Variants in SCAMP2 observed in about 807,000 individuals in gnomAD.
SCAMP2 encodes the protein secretory carrier-associated membrane protein 2.
Under a neutral mutation model 44.1 loss-of-function variants are expected in SCAMP2, and 25 were observed. That is an observed-to-expected ratio of 0.57 (90% CI 0.41 to 0.79). The LOEUF (loss-of-function observed/expected upper bound fraction) is 0.79, where lower values mean the gene tolerates loss of function less well. Among genes scored for constraint, SCAMP2 ranks in the 30% least tolerant of loss-of-function variants. The pLI, the probability that SCAMP2 is intolerant of heterozygous loss-of-function variation, is 0.00. For synonymous variants in SCAMP2, 156 were observed against 166.0 expected, an observed-to-expected ratio of 0.94 and a Z score of 0.46; for missense variants, 355 against 411.0, an observed-to-expected ratio of 0.86 and a Z score of 1.18.
At chr15:74,858,864 G>T (rs1201990641) in intron 1 of SCAMP2, among the ~76,000 whole-genome samples, 1 of 143,960 alleles carries the variant, frequency 6.9e-6, no homozygotes, top group African/African-American at 2.6e-5. Flanking sequence ...CCAGGCTGGA[G>T]TGCAGTGGCG....
intron 1 of SCAMP2, among the ~76,000 whole-genome samples, chr15:74,867,881 C>T (rs1567256048): frequency 6.6e-6 from 1 of 152,236 alleles, no homozygotes; most frequent in Non-Finnish European, 1.5e-5. Flanking sequence ...GAGATCAATG[C>T]TGTCTGCCTG....
rs187010506 is a variant in SCAMP2, at chr15:74,854,144, G to A, written c.127-25C>T. 2.6e-4 allele frequency: 412 copies of A among 1,594,932 alleles called. 2 individuals carry two copies. Among genetic ancestry groups the A allele is most frequent in the Admixed American group, 8.3e-5 (5 of 59,980 alleles). ...TCTACATGGAACAAATCAAAAGACAGAATTGAGTGGGACTCCATTAGCTGG... is the reference window on the plus strand; with the variant it reads ...TCTACATGGAACAAATCAAAAGACAAAATTGAGTGGGACTCCATTAGCTGG... On this transcript the variant is annotated intron_variant, in intron 2 of 8. Transcript: ENST00000268099.
In SCAMP2 at chr15:74,873,223, G is replaced by T; in HGVS notation, c.33C>A (p.Asp11Glu). The change falls in exon 1 of 9, where the codon GAC becomes GAA. Residue 11 changes from aspartate to glutamate, a missense_variant. Physicochemically the swap from Asp to Glu is conservative, Grantham distance 45. Coordinates refer to ENST00000268099, the MANE Select transcript of SCAMP2 (RefSeq NM_005697.5). ...CCTGGAAGGGGTTTACATCCACTGG[G>T]TCCGCGAAGGGGTTGGTGTCGAAAG... MSAFDTNPFA[D>E]PVDVNPFQDP... 1 of 1,459,764 alleles carries T rather than the reference G, an allele frequency of 6.9e-7. No homozygotes were observed. The highest frequency in any genetic ancestry group is 1.5e-5 in the African/African-American group (1 of 66,640). The allele number at this position is 1,459,764 out of a possible 1,614,324, so 90.4% of individuals were successfully genotyped here.
intron 1 of SCAMP2, among the ~76,000 whole-genome samples, chr15:74,870,033 C>T (rs1376243830): frequency 6.6e-6 from 1 of 152,182 alleles, no homozygotes; most frequent in African/African-American, 2.4e-5. Context: ...AGCTGTTTCT[C>T]CCCACACCAC....
intron 1 of SCAMP2, among the ~76,000 whole-genome samples, chr15:74,865,391 AAAAG>A (rs1402262372): frequency 1.1e-4 from 17 of 151,290 alleles, no homozygotes; most frequent in Non-Finnish European, 1.8e-4. Flanking sequence ...AAAAAAAAAA[AAAAG>A]AAAAGAAAAG....
At chr15:74,848,018 C>G (rs181893869) in intron 7 of SCAMP2, among the ~76,000 whole-genome samples, 111 of 151,878 alleles carry the variant, frequency 7.3e-4, no homozygotes, top group Non-Finnish European at 1.3e-3. Flanking sequence ...AAGAGTCAAG[C>G]CAAGTTCACC....
chr15:74,856,350 CT>C (rs2064469133), intron 1 of SCAMP2, among the ~76,000 whole-genome samples: 1 of 143,656 alleles, frequency 7.0e-6, no homozygotes. Flanking sequence ...TCTCCACTCA[CT>C]GCAGCCTCCG....
intron 1 of SCAMP2, among the ~76,000 whole-genome samples, chr15:74,867,865 C>A (rs2064553274): frequency 1.3e-5 from 2 of 152,248 alleles, no homozygotes; most frequent in South Asian, 2.1e-4. Flanking sequence ...TCCACTTCCT[C>A]TCCTTGAGAT....
Position 74,869,337 on chromosome 15 carries a change from A to G in SCAMP2, c.57+3862T>C, listed in dbSNP as rs577919720. Among the ~76,000 whole-genome samples, 161 of 152,282 alleles carry G rather than the reference A, an allele frequency of 1.1e-3. 1 individual carries two copies. The highest frequency in any genetic ancestry group is 3.6e-3 in the African/African-American group (151 of 41,550). The stretch of plus-strand genomic sequence containing the variant: ...AAAAAAACCAATAATAAAAAATAAA[A>G]AAATTAAAGAACAAAAGCACAAGAT... On this transcript the variant is annotated intron_variant, in intron 1 of 8. Transcript: ENST00000268099.
At chr15:74,871,446 C>T (rs904375627) in intron 1 of SCAMP2, among the ~76,000 whole-genome samples, 2 of 151,110 alleles carry the variant, frequency 1.3e-5, no homozygotes, top group African/African-American at 4.9e-5. Context: ...AGAGTGAGAC[C>T]CTGCCTTAAA....
intron 1 of SCAMP2, among the ~76,000 whole-genome samples, chr15:74,864,892 G>A (rs1313001444): frequency 6.6e-6 from 1 of 151,464 alleles, no homozygotes; most frequent in Non-Finnish European, 1.5e-5. Context: ...TTTGAGACCA[G>A]TCTGGCCAAC....
At position 74,854,634 on chromosome 15, in the gene SCAMP2, G is replaced by T; in HGVS notation, c.73C>A (p.Gln25Lys). The change falls in exon 2 of 9, where the codon CAG (glutamine) becomes AAG (lysine). Residue 25 changes from glutamine (Q) to lysine (K), a missense_variant. Coordinates refer to ENST00000268099, the MANE Select transcript of SCAMP2 (RefSeq NM_005697.5). ...VNPFQDPSVT[Q>K]LTNAPQGGLA... ...CCGCCCTGCGGGGCGTTGGTCAGCT[G>T]GGTCACAGAGGGATCCTGAGAAGGT... is the stretch of plus-strand genomic sequence containing the variant. 1.2e-6 allele frequency: 2 copies of T among 1,609,092 alleles called. No individual in the cohort carries two copies. The highest frequency in any genetic ancestry group is 4.5e-5 in the East Asian group (2 of 44,688).
chr15:74,850,456 A>T, intron 6 of SCAMP2, 58 bp downstream of exon 6: 1 of 1,526,158 alleles, frequency 6.6e-7, no homozygotes, highest in Non-Finnish European at 9.1e-7. Context: ...TATAGCCCTT[A>T]GCCTGCTACC....
chr15:74,867,437 G>C (rs190818995), intron 1 of SCAMP2, among the ~76,000 whole-genome samples: 3 of 152,300 alleles, frequency 2.0e-5, no homozygotes, highest in African/African-American at 7.2e-5. Context: ...CTGGCTCCAG[G>C]TGCCAACCAT....
At chr15:74,873,068 A>G (rs536069485) in intron 1 of SCAMP2, 131 bp downstream of exon 1, 1 of 789,656 alleles carries the variant, frequency 1.3e-6, no homozygotes, top group South Asian at 2.4e-5. Context: ...CCAGACCTCA[A>G]AGCCCGCTCT....
At position 74,845,006 on chromosome 15, in the gene SCAMP2, C is replaced by T; in HGVS notation, c.*77G>A. 1 of 1,516,618 alleles carries T rather than the reference C, an allele frequency of 6.6e-7. No individual in the cohort carries two copies. Among genetic ancestry groups the T allele is most frequent in the Non-Finnish European group, 9.0e-7 (1 of 1,111,450 alleles). 93.9% of individuals were successfully genotyped at this position (1,516,618 alleles called of 1,614,324 possible). A position where few individuals can be genotyped will look rare whatever the true frequency, so the allele number is the denominator to read the frequency against. ...AGGTCTGTGCTGGGCACAACCACCA[C>T]CACATAAGGCACCCACGGAAAGTGC... On this transcript the variant is annotated 3_prime_UTR_variant, in exon 9 of 9. Coordinates refer to ENST00000268099, the MANE Select transcript of SCAMP2 (RefSeq NM_005697.5).
At chr15:74,858,699 G>C (rs2064482435) in intron 1 of SCAMP2, among the ~76,000 whole-genome samples, 1 of 151,902 alleles carries the variant, frequency 6.6e-6, no homozygotes, top group South Asian at 2.1e-4. Context: ...ACAAATTGAA[G>C]GCGCTCAGTG....
chr15:74,867,180 A>G (rs1025127350), intron 1 of SCAMP2, among the ~76,000 whole-genome samples: 6 of 152,230 alleles, frequency 3.9e-5, no homozygotes, highest in African/African-American at 1.4e-4. Flanking sequence ...ACAGGCCTGC[A>G]GAGCAGCATG....
At chr15:74,848,492 TG>T in intron 7 of SCAMP2, 107 bp downstream of exon 7, 1 of 689,312 alleles carries the variant, frequency 1.5e-6, no homozygotes, top group Non-Finnish European at 2.5e-6. Context: ...CTCCCCGCCA[TG>T]GGAAAAGCAG....
Sources: allele counts gnomAD v4.1 joint callset (sites outside exome capture counted in the v4.1 genomes callset), GRCh38; gene constraint gnomAD v4.1.1; transcripts MANE v1.5; gene names NCBI Gene and HGNC (gene_info 2026-07-23, HGNC 2026-07-21).